NOBOX: variants seen among roughly 807,000 people sequenced by gnomAD.
NOBOX encodes NOBOX oogenesis homeobox.
Under a neutral mutation model 60.2 loss-of-function variants are expected in NOBOX, and 46 were observed. That is an observed-to-expected ratio of 0.76 (90% confidence interval 0.60 to 0.98). NOBOX has a LOEUF of 0.98. NOBOX is among the 50% of genes least tolerant of loss of function. The probability of loss-of-function intolerance (pLI) is 0.00; values close to 1 mark genes in which losing one functional copy is unlikely to be tolerated. For synonymous variants in NOBOX, 360 were observed against 346.3 expected, an observed-to-expected ratio of 1.04 and a Z score of -0.44; for missense variants, 880 against 865.5, an observed-to-expected ratio of 1.02 and a Z score of -0.21.
Position 144,401,801 on chromosome 7 carries a change from T to C in NOBOX, c.292+68A>G, listed in dbSNP as rs2053941434. On this transcript the variant is annotated intron_variant, in intron 3 of 9. Transcript: ENST00000467773. The surrounding 1 kb of genome is among the most constrained non-coding windows in gnomAD (Gnocchi z 4.2). ...CAGATAACCCAACTTCTTTGAAAAA[T>C]GTAGACAAATTTATGCAATTCTGAG... The C allele has an allele frequency of 1.6e-6, 2 of 1,247,900 alleles. No individual in the cohort carries two copies. The highest frequency in any genetic ancestry group is 1.2e-6 in the Non-Finnish European group (1 of 866,046). 77.3% of individuals were successfully genotyped at this position (1,247,900 alleles called of 1,614,324 possible). A position where few individuals can be genotyped will look rare whatever the true frequency, so the allele number is the denominator to read the frequency against.
intron 4 of NOBOX, 59 bp downstream of exon 2, chr7:144,400,987 C>T: frequency 1.4e-6 from 2 of 1,386,472 alleles, no homozygotes. Context: ...CTTCACACAG[C>T]CCCACCTTTC....
chr7:144,407,414 TGTAGTCACAGCCAGGGAGATC>T (rs758778589), intron 1 of NOBOX, among the ~76,000 whole-genome samples: 13 of 152,240 alleles, frequency 8.5e-5, no homozygotes, highest in Non-Finnish European at 1.3e-4. Flanking sequence ...GCAGGGAGAT[TGTAGTCACAGCCAGGGAGATC>T]GTAGTCACAG....
intron 9 of NOBOX, among the ~76,000 whole-genome samples, chr7:144,397,794 T>TG (rs1484601354): frequency 6.6e-6 from 1 of 152,178 alleles, no homozygotes; most frequent in Admixed American, 6.5e-5. Flanking sequence ...GTTTCGTACA[T>TG]GCAACAAGGA....
In NOBOX at chr7:144,405,962, G is replaced by C. The variant is rs533708454; in HGVS notation, c.86-1282C>G. Among the ~76,000 whole-genome samples, 6 of 152,178 alleles carry C rather than the reference G, an allele frequency of 3.9e-5. No homozygotes were observed. The East Asian group carries it at 1.2e-3, about 29-fold the overall frequency. ...GGAGTAGGGGCAAGGGATGGTAGGGGCCTGTGTGGGGAAAGGAAATGACCT... is the reference window on the plus strand; with the variant it reads ...GGAGTAGGGGCAAGGGATGGTAGGGCCCTGTGTGGGGAAAGGAAATGACCT... On this transcript the variant is annotated intron_variant, in intron 1 of 9. Transcript: ENST00000467773.
At chr7:144,406,897 T>C (rs1000451863) in intron 1 of NOBOX, among the ~76,000 whole-genome samples, 1 of 152,248 alleles carries the variant, frequency 6.6e-6, no homozygotes, top group Non-Finnish European at 1.5e-5. Context: ...GGGCTGTTTC[T>C]TCCTAAGTCC....
Position 144,397,333 on chromosome 7 carries a change from G to A in NOBOX, c.1983C>T (p.Ser661=). The change falls in exon 10 of 10, where the codon AGC becomes AGT. Residue 661 remains serine (S), a synonymous_variant. Transcript: ENST00000467773. ...CAGCTGGTGGTTCCTCTTTTGCCTTGCTGAGTAAGGGCCCAGTCCCTGGTC... is the reference window on the plus strand; with the variant it reads ...CAGCTGGTGGTTCCTCTTTTGCCTTACTGAGTAAGGGCCCAGTCCCTGGTC... The A allele has an allele frequency of 1.3e-6, 2 of 1,537,288 alleles. No individual in the cohort carries two copies. The highest frequency in any genetic ancestry group is 1.7e-6 in the Non-Finnish European group (2 of 1,146,910).
intron 4 of NOBOX, 32 bp from the exon 3 acceptor site, chr7:144,400,344 C>A (rs879173457): frequency 6.3e-7 from 1 of 1,589,638 alleles, no homozygotes; most frequent in Non-Finnish European, 8.6e-7. Flanking sequence ...GTGAGGAGGA[C>A]AAATGCCAGT....
Position 144,399,453 on chromosome 7 carries a change from G to C in NOBOX, c.1184C>G (p.Pro395Arg), listed in dbSNP as rs761911047. 1.9e-6 allele frequency: 3 copies of C among 1,585,138 alleles called. No homozygotes were observed. The change falls in exon 7 of 10, where the codon CCC (proline) becomes CGC (arginine). Residue 395 changes from proline to arginine, a missense_variant. Pro to Arg is a moderately radical substitution (Grantham distance 103). Transcript: ENST00000467773. ...GAAAGGGTCAGGCTTTGGCTCCATG[G>C]GCACAGCAGGTAGGATCTCAGCTGC...
At chr7:144,403,407 T>A (rs1347277057) in intron 2 of NOBOX, among the ~76,000 whole-genome samples, 1 of 151,828 alleles carries the variant, frequency 6.6e-6, no homozygotes, top group Admixed American at 6.6e-5. Flanking sequence ...CTCCCAGGGT[T>A]CTCTCCCCTG....
chr7:144,402,089 C>A, intron 2 of NOBOX: 1 of 643,858 alleles, frequency 1.6e-6, no homozygotes, highest in Non-Finnish European at 2.7e-6. Context: ...TCTCCAGCAG[C>A]CGAGGCAAGA....
Position 144,404,640 on chromosome 7 carries a change from C to G in NOBOX, c.126G>C (p.Leu42=), listed in dbSNP as rs2003479. Residue 42 remains leucine (L), a synonymous_variant, in exon 2 of 10, where the codon CTG becomes CTC. Coordinates refer to ENST00000467773, the MANE Select transcript of NOBOX (RefSeq NM_001080413.3). ...AGCCACAGACTCCGTAGATCCGGTACAGTCCACACACAGGAAATTCAGGTA... is the reference window on the plus strand; with the variant it reads ...AGCCACAGACTCCGTAGATCCGGTAGAGTCCACACACAGGAAATTCAGGTA... 3.8e-4 allele frequency: 609 copies of G among 1,613,936 alleles called. 4 individuals are homozygous for G. In the African/African-American group the frequency reaches 7.1e-3, roughly 19 times the overall value.
In NOBOX at chr7:144,401,473, TC is replaced by T; in HGVS notation, c.416del (p.Gly139GlufsTer35). 1 of 1,573,604 alleles carries T rather than the reference TC, an allele frequency of 6.4e-7. No individual in the cohort carries two copies. The stretch of plus-strand genomic sequence containing the variant: ...CAGAGACTGCTGGCGGCTTCTTCTC[TC>T]CTGAGATGGTGCAGGAGGGTGGCAG... On this transcript the variant is annotated frameshift_variant, in exon 4 of 10. Coordinates refer to ENST00000467773, the MANE Select transcript of NOBOX (RefSeq NM_001080413.3). LOFTEE classifies it high-confidence loss of function. This position sits in a 1 kb window ranked among gnomAD's most constrained non-coding sequence, Gnocchi z 4.2.
chr7:144,398,721 T>C, intron 8 of NOBOX, 135 bp from the exon 7 acceptor site: 1 of 682,966 alleles, frequency 1.5e-6, no homozygotes, highest in Non-Finnish European at 2.5e-6. Flanking sequence ...CTGCTGCAGC[T>C]GCCTCTTCTC....
intron 5 of NOBOX, 133 bp downstream of exon 3, chr7:144,400,073 G>A (rs1286904178): frequency 6.3e-7 from 1 of 1,591,516 alleles, no homozygotes; most frequent in South Asian, 1.1e-5. Flanking sequence ...AACAGTCAGG[G>A]ACACAGCCAC....
chr7:144,403,805 C>A lies in NOBOX; in HGVS notation c.210+751G>T, dbSNP rs2053962612. 7 of 437,880 alleles carry A rather than the reference C, an allele frequency of 1.6e-5. No individual in the cohort carries two copies. In the South Asian group the frequency reaches 2.1e-4, roughly 13 times the overall value. The allele number at this position is 437,880 out of a possible 1,614,324, so 27.1% of individuals were successfully genotyped here. On this transcript the variant is annotated intron_variant, in intron 2 of 9. Coordinates refer to ENST00000467773, the MANE Select transcript of NOBOX (RefSeq NM_001080413.3). The stretch of plus-strand genomic sequence containing the variant: ...CACGGGCCGGGCCGGGCCGGGGGAG[C>A]CGTAGCCCGAGGCTGCGCCCCCTCA...
intron 9 of NOBOX, among the ~76,000 whole-genome samples, chr7:144,397,923 T>C (rs148695900): frequency 4.2e-4 from 64 of 152,294 alleles, no homozygotes; most frequent in African/African-American, 1.5e-3. Context: ...CCATCTACTC[T>C]AGGCCAAATA....
chr7:144,408,553 T>A (rs2054001415), intron 1 of NOBOX, among the ~76,000 whole-genome samples: 1 of 152,190 alleles, frequency 6.6e-6, no homozygotes, highest in African/African-American at 2.4e-5. Flanking sequence ...TATCATATGA[T>A]TATCCCCATC....
At chr7:144,398,663 T>G (rs2053912546) in intron 8 of NOBOX, 77 bp from the exon 7 acceptor site, 1 of 1,059,546 alleles carries the variant, frequency 9.4e-7, no homozygotes, top group Non-Finnish European at 1.4e-6. Flanking sequence ...GCGGAGTCCC[T>G]ACCTCTCGCC....
chr7:144,401,095 CG>C lies in NOBOX; in HGVS notation c.794del (p.Pro265ArgfsTer3). On this transcript the variant is annotated frameshift_variant, in exon 4 of 10. Transcript: ENST00000467773. LOFTEE classifies it high-confidence loss of function. The surrounding 1 kb of genome is among the most constrained non-coding windows in gnomAD (Gnocchi z 4.2). ...TTTTCCTAATTTGGCAGGTCACTTC[CG>C]GGGGCCCCTGCTTGTGGTCTCTGTT... 2 of 1,542,918 alleles carry C rather than the reference CG, an allele frequency of 1.3e-6. No individual in the cohort carries two copies. Among genetic ancestry groups the C allele is most frequent in the South Asian group, 1.3e-5 (1 of 77,626 alleles).
Sources: allele counts gnomAD v4.1 joint callset (sites outside exome capture counted in the v4.1 genomes callset), GRCh38; gene constraint gnomAD v4.1.1; non-coding constraint Gnocchi (gnomAD v3.1); transcripts MANE v1.5; gene names NCBI Gene and HGNC (gene_info 2026-07-23, HGNC 2026-07-21).